The following ATP6V0D2 variants were observed in gnomAD, a reference collection of about 807,000 sequenced individuals.
ATP6V0D2 encodes the protein ATPase H+ transporting V0 subunit d2, also known as V-type proton ATPase subunit d 2.
A neutral mutation model predicts 40.0 loss-of-function variants in ATP6V0D2; 40 were observed. The observed-to-expected ratio is 1.00, with a 90% CI of 0.78 to 1.30. The LOEUF is 1.30. Ranked by LOEUF, ATP6V0D2 falls within the 50% of genes most tolerant of loss-of-function variation. The probability of loss-of-function intolerance (pLI) is 0.00; values close to 1 mark genes in which losing one functional copy is unlikely to be tolerated. For synonymous variants in ATP6V0D2, 179 were observed against 156.3 expected (o/e 1.15, Z -1.08); for missense variants, 470 against 423.1 (o/e 1.11, Z -0.97).
chr8:86,139,777 C>A, intron 3 of ATP6V0D2, 142 bp downstream of exon 3: 1 of 803,576 alleles, frequency 1.2e-6, no homozygotes. Flanking sequence ...AGTAGCATAC[C>A]ATGCAGATTC....
intron 2 of ATP6V0D2, among the ~76,000 whole-genome samples, chr8:86,127,802 C>T (rs996814951): frequency 5.9e-5 from 9 of 152,310 alleles, no homozygotes; most frequent in South Asian, 4.1e-4. Flanking sequence ...ACATAGTTCT[C>T]TGGTCACCTA....
chr8:86,102,112 T>C (rs374882942), intron 1 of ATP6V0D2, among the ~76,000 whole-genome samples: 33 of 152,234 alleles, frequency 2.2e-4, no homozygotes, highest in African/African-American at 7.2e-4. Flanking sequence ...CACAAAAATA[T>C]GCCATTGCCT....
chr8:86,149,773 G>T (rs569450445), intron 5 of ATP6V0D2, among the ~76,000 whole-genome samples: 103 of 152,194 alleles, frequency 6.8e-4, no homozygotes, highest in African/African-American at 2.4e-3. Flanking sequence ...TAAGAAATAG[G>T]TATTCTCCTT....
At chr8:86,141,399 T>TTA in intron 3 of ATP6V0D2, 51 bp from the exon 4 acceptor site, 1 of 1,415,016 alleles carries the variant, frequency 7.1e-7, no homozygotes, top group Non-Finnish European at 9.9e-7. Context: ...TTTCTACAGC[T>TTA]TATAATCTTG....
At chr8:86,124,265 T>C (rs1818710906) in intron 2 of ATP6V0D2, among the ~76,000 whole-genome samples, 1 of 152,222 alleles carries the variant, frequency 6.6e-6, no homozygotes. Flanking sequence ...TGAAAAACAC[T>C]GGCGCTATTC....
intron 2 of ATP6V0D2, among the ~76,000 whole-genome samples, chr8:86,137,028 G>A (rs1025473465): frequency 6.8e-6 from 1 of 146,654 alleles, no homozygotes; most frequent in African/African-American, 2.6e-5. Context: ...ACTAAAAATC[G>A]AAAGCGTCCT....
Position 86,113,706 on chromosome 8 carries a change from CAG to C in ATP6V0D2, c.131-1_131del, listed in dbSNP as rs1818555089. The stretch of plus-strand genomic sequence containing the variant: ...CCTGAATTGGGGTTTCATTTAATTT[CAG>C]ACCTGAAAATTCATCTCCAGACTAC... On this transcript the variant is annotated splice_acceptor_variant, in intron 1 of 7. Coordinates refer to ENST00000285393, the MANE Select transcript of ATP6V0D2 (RefSeq NM_152565.1). LOFTEE classifies it high-confidence loss of function. The C allele has an allele frequency of 6.3e-7, 1 of 1,587,134 alleles. No individual in the cohort carries two copies. The highest frequency in any genetic ancestry group is 1.2e-5 in the South Asian group (1 of 86,808).
intron 2 of ATP6V0D2, among the ~76,000 whole-genome samples, chr8:86,126,772 A>G (rs1238691191): frequency 6.6e-6 from 1 of 152,184 alleles, no homozygotes; most frequent in African/African-American, 2.4e-5. Flanking sequence ...AAGGAAGGGA[A>G]ATTTTATACC....
At chr8:86,136,361 C>A (rs544534119) in intron 2 of ATP6V0D2, among the ~76,000 whole-genome samples, 6 of 152,134 alleles carry the variant, frequency 3.9e-5, no homozygotes, top group Non-Finnish European at 8.8e-5. Flanking sequence ...CTCTAATAGT[C>A]CTCTGCTAAT....
In ATP6V0D2 at chr8:86,098,956, C is replaced by T. The variant is rs1312224563; in HGVS notation, c.-23C>T. 3.7e-6 allele frequency: 6 copies of T among 1,611,410 alleles called. No individual in the cohort carries two copies. Among genetic ancestry groups the T allele is most frequent in the South Asian group, 3.3e-5 (3 of 90,560 alleles). On this transcript the variant is annotated 5_prime_UTR_variant, in exon 1 of 8. Coordinates refer to ENST00000285393, the MANE Select transcript of ATP6V0D2 (RefSeq NM_152565.1). ...AGGACTACAGAGCTGTTTCACCCTA[C>T]CTTGGCTTCAATCTCTTCCCCCATG...
chr8:86,152,461 A>G (rs1007835202), intron 7 of ATP6V0D2, among the ~76,000 whole-genome samples: 1 of 152,212 alleles, frequency 6.6e-6, no homozygotes, highest in Non-Finnish European at 1.5e-5. Context: ...GCTGGGTCAA[A>G]TGATATTTCT....
At position 86,150,172 on chromosome 8, in the gene ATP6V0D2, A is replaced by G. The variant is rs1819123848; in HGVS notation, c.700A>G (p.Lys234Glu). ...TLNSFGTELSKEDRETLYPTF... is the reference protein window; with the variant it reads ...TLNSFGTELSEEDRETLYPTF... Reference sequence around the variant, plus strand: ...TAACTCCTTTGGCACTGAATTGAGCAAAGAAGACCGAGAGACCCTCTATCC... The same window carrying G: ...TAACTCCTTTGGCACTGAATTGAGCGAAGAAGACCGAGAGACCCTCTATCC... The change falls in exon 6 of 8, where the codon AAA becomes GAA. Residue 234 changes from lysine to glutamate, a missense_variant. Transcript: ENST00000285393. The G allele has an allele frequency of 1.2e-6, 2 of 1,613,424 alleles. No homozygotes were observed. The highest frequency in any genetic ancestry group is 2.7e-5 in the African/African-American group (2 of 74,756).
intron 7 of ATP6V0D2, among the ~76,000 whole-genome samples, chr8:86,152,396 G>T (rs773570523): frequency 2.0e-5 from 3 of 152,154 alleles, no homozygotes; most frequent in Non-Finnish European, 4.4e-5. Flanking sequence ...GTGTGCAGGT[G>T]TCTTTATAGT....
At chr8:86,131,564 G>T (rs145514746) in intron 2 of ATP6V0D2, among the ~76,000 whole-genome samples, 1 of 150,324 alleles carries the variant, frequency 6.7e-6, no homozygotes, top group South Asian at 2.1e-4. Flanking sequence ...GCAGTGATGC[G>T]ATCTCAGCTC....
chr8:86,113,083 T>C (rs1818545143), intron 1 of ATP6V0D2, among the ~76,000 whole-genome samples: 1 of 151,866 alleles, frequency 6.6e-6, no homozygotes, highest in Non-Finnish European at 1.5e-5. Flanking sequence ...GGTAGCTATC[T>C]CCAAAAGACT....
intron 2 of ATP6V0D2, among the ~76,000 whole-genome samples, chr8:86,126,239 T>TAC (rs1342070935): frequency 1.3e-5 from 1 of 77,472 alleles, no homozygotes; most frequent in African/African-American, 7.2e-5. Context: ...GCTCAGCCTA[T>TAC]ATATATATAT....
chr8:86,132,068 C>G (rs1052069858), intron 2 of ATP6V0D2, among the ~76,000 whole-genome samples: 1 of 152,064 alleles, frequency 6.6e-6, no homozygotes, highest in African/African-American at 2.4e-5. Context: ...CTGGGTTCCC[C>G]TTATCACCTC....
At chr8:86,099,397 T>C (rs1035655570) in intron 1 of ATP6V0D2, among the ~76,000 whole-genome samples, 1 of 152,318 alleles carries the variant, frequency 6.6e-6, no homozygotes, top group East Asian at 1.9e-4. Flanking sequence ...CCAACAAAAA[T>C]TCAATGTTTT....
intron 2 of ATP6V0D2, among the ~76,000 whole-genome samples, chr8:86,133,953 G>A (rs530597810): frequency 2.6e-4 from 39 of 152,126 alleles, no homozygotes; most frequent in East Asian, 1.9e-3. Flanking sequence ...GACACACACC[G>A]ACTGATTCAA....
Sources: allele counts gnomAD v4.1 joint callset (sites outside exome capture counted in the v4.1 genomes callset), GRCh38; gene constraint gnomAD v4.1.1; transcripts MANE v1.5; gene names NCBI Gene and HGNC (gene_info 2026-07-23, HGNC 2026-07-21).